Variants in SHQ1 observed in about 807,000 individuals in gnomAD.
The protein encoded by SHQ1 is SHQ1, H/ACA ribonucleoprotein assembly factor.
In SHQ1, 49 loss-of-function variants were observed where a neutral mutation model predicts 53.8. That is an observed-to-expected ratio of 0.91 (90% CI 0.72 to 1.16). The LOEUF (loss-of-function observed/expected upper bound fraction) is 1.16. SHQ1 is among the 50% of genes most tolerant of loss of function. SHQ1 has a pLI of 0.00. For missense variants in SHQ1, 738 were observed against 683.1 expected (o/e 1.08, Z -0.90); for synonymous variants, 243 against 251.0 (o/e 0.97, Z 0.30).
In SHQ1 at chr3:72,824,278, AG is replaced by A. The variant is rs1273805728; in HGVS notation, c.727+145del. The A allele has an allele frequency of 3.1e-4, 291 of 929,474 alleles. No homozygotes were observed. The African/African-American group carries it at 4.6e-3, about 15-fold the overall frequency. The allele number at this position is 929,474 out of a possible 1,614,324, so 57.6% of individuals were successfully genotyped here. A position where few individuals can be genotyped will look rare whatever the true frequency, so the allele number is the denominator to read the frequency against. The stretch of plus-strand genomic sequence containing the variant: ...GGCATTTTCCAGTCAGGGGCAAAGA[AG>A]TCATTTCCAAAATTAGCAATTCAAA... On this transcript the variant is annotated intron_variant, in intron 6 of 10. Transcript: ENST00000325599.
At chr3:72,845,399 CT>C (rs1708298692) in intron 1 of SHQ1, among the ~76,000 whole-genome samples, 1 of 151,906 alleles carries the variant, frequency 6.6e-6, no homozygotes, top group African/African-American at 2.4e-5. Context: ...AGAAGAATCA[CT>C]TGAACCCAGG....
At chr3:72,846,315 T>C in intron 1 of SHQ1, 2 of 1,378,264 alleles carry the variant, frequency 1.5e-6, no homozygotes, top group South Asian at 2.5e-5. Context: ...TTTTTTTTTT[T>C]AGACAGTCTC....
At chr3:72,752,218 G>C (rs773717237) in intron 10 of SHQ1, among the ~76,000 whole-genome samples, 1 of 152,118 alleles carries the variant, frequency 6.6e-6, no homozygotes, top group Non-Finnish European at 1.5e-5. Flanking sequence ...ATATGTATAT[G>C]CTACATATAT....
rs1706860725 is a variant in SHQ1 at position 72,803,771 on chromosome 3, A to G, written c.1060+8900T>C. 2.0e-5 allele frequency among the ~76,000 whole-genome samples: 3 copies of G among 152,228 alleles called. No homozygotes were observed. In the South Asian group the frequency reaches 6.2e-4, roughly 32 times the overall value. ...CCTGTGTTTCAATAAAACTTTATTT[A>G]TGGACTCTAAAATGAGAATTTCAAA... is the stretch of plus-strand genomic sequence containing the variant. On this transcript the variant is annotated intron_variant, in intron 9 of 10. Coordinates refer to ENST00000325599, the MANE Select transcript of SHQ1 (RefSeq NM_018130.3).
At chr3:72,839,826 T>C (rs1708111057) in intron 4 of SHQ1, among the ~76,000 whole-genome samples, 1 of 152,020 alleles carries the variant, frequency 6.6e-6, no homozygotes, top group African/African-American at 2.4e-5. Flanking sequence ...AGTGGCGAGA[T>C]CTCAGCTCAC....
intron 4 of SHQ1, among the ~76,000 whole-genome samples, chr3:72,833,539 A>AGATGGAT (rs1707902382): frequency 1.4e-5 from 1 of 69,056 alleles, no homozygotes; most frequent in African/African-American, 1.0e-4. Context: ...ATAGACAGAT[A>AGATGGAT]GATAGATAGA....
chr3:72,783,246 G>A (rs532315311), intron 10 of SHQ1, among the ~76,000 whole-genome samples: 9 of 151,910 alleles, frequency 5.9e-5, no homozygotes, highest in Non-Finnish European at 1.2e-4. Flanking sequence ...TATTTTCCAC[G>A]CTTATTCACC....
intron 10 of SHQ1, among the ~76,000 whole-genome samples, chr3:72,761,598 T>C (rs1476331273): frequency 6.6e-6 from 1 of 152,224 alleles, no homozygotes; most frequent in Non-Finnish European, 1.5e-5. Context: ...CAGTATCCGT[T>C]AATACAAAAG....
At chr3:72,762,721 C>A (rs181117354) in intron 10 of SHQ1, among the ~76,000 whole-genome samples, 2 of 152,278 alleles carry the variant, frequency 1.3e-5, no homozygotes, top group East Asian at 3.9e-4. Flanking sequence ...GTCACCCAGG[C>A]TGGAGTGCAG....
intron 5 of SHQ1, among the ~76,000 whole-genome samples, chr3:72,826,760 G>C (rs150353397): frequency 1.3e-5 from 2 of 152,168 alleles, no homozygotes; most frequent in African/African-American, 4.8e-5. Context: ...TGAAAAACTG[G>C]TTGGCGAAGG....
the SHQ1 span, among the ~76,000 whole-genome samples, chr3:72,727,153 G>C: frequency 3.3e-5 from 5 of 152,196 alleles, no homozygotes. Flanking sequence ...TGGAGGCGGG[G>C]CTGTGAGTTC....
chr3:72,726,893 C>T, the SHQ1 span, among the ~76,000 whole-genome samples: 1 of 152,134 alleles, frequency 6.6e-6, no homozygotes, highest in Admixed American at 6.5e-5. Flanking sequence ...GCGCCTCCTT[C>T]GGAGCTATTT....
At chr3:72,839,468 GA>G (rs746723561) in intron 4 of SHQ1, among the ~76,000 whole-genome samples, 1 of 152,222 alleles carries the variant, frequency 6.6e-6, no homozygotes, top group Non-Finnish European at 1.5e-5. Flanking sequence ...AAGGAATTTT[GA>G]GACCATTTTA....
intron 10 of SHQ1, among the ~76,000 whole-genome samples, chr3:72,758,567 C>CTTTTTTTTTTTTTTTTTTTTTTTTTTTT (rs869225766): frequency 7.9e-6 from 1 of 126,114 alleles, no homozygotes; most frequent in African/African-American, 3.0e-5. Context: ...ACTATTTTTT[C>CTTTTTTTTTTTTTTTTTTTTTTTTTTTT]TTTTTTTTTT....
chr3:72,751,474 ATATGTGTGTGTG>A (rs1705366610), intron 10 of SHQ1, among the ~76,000 whole-genome samples: 1 of 106,088 alleles, frequency 9.4e-6, no homozygotes, highest in Non-Finnish European at 1.9e-5. Flanking sequence ...TAATAAGCAC[ATATGTGTGTGTG>A]TGTGTGTGTG....
chr3:72,768,135 C>G (rs1025322609), intron 10 of SHQ1, among the ~76,000 whole-genome samples: 1 of 152,168 alleles, frequency 6.6e-6, no homozygotes, highest in Non-Finnish European at 1.5e-5. Context: ...AAAAAGGCAG[C>G]AGCAATGATA....
chr3:72,739,794 C>T, the SHQ1 span, among the ~76,000 whole-genome samples: 1 of 152,202 alleles, frequency 6.6e-6, no homozygotes, highest in Non-Finnish European at 1.5e-5. Context: ...GGGCAGGGGG[C>T]AGACCAAAAG....
At chr3:72,803,564 G>A (rs139916672) in intron 9 of SHQ1, among the ~76,000 whole-genome samples, 5 of 152,228 alleles carry the variant, frequency 3.3e-5, no homozygotes, top group South Asian at 2.1e-4. Flanking sequence ...CAAAGACCTC[G>A]GCTCCCTACA....
At chr3:72,803,314 G>A (rs537495756) in intron 9 of SHQ1, among the ~76,000 whole-genome samples, 5 of 152,144 alleles carry the variant, frequency 3.3e-5, no homozygotes, top group South Asian at 2.1e-4. Flanking sequence ...GGCTACAGTC[G>A]AGCCATGTAT....
Sources: gnomAD v4.1 joint callset for allele counts (sites outside exome capture counted in the v4.1 genomes callset) on GRCh38, gnomAD v4.1.1 for gene constraint, MANE v1.5 for transcripts, NCBI Gene and HGNC (gene_info 2026-07-23, HGNC 2026-07-21) for gene names.